ABTB3: variants seen among roughly 807,000 people sequenced by gnomAD.
ABTB3 encodes ankyrin repeat- and BTB/POZ domain-containing protein 3.
the ABTB3 span, among the ~76,000 whole-genome samples, chr12:107,472,749 T>C: frequency 6.6e-6 from 1 of 152,170 alleles, no homozygotes; most frequent in Non-Finnish European, 1.5e-5. Flanking sequence ...GGAGCCCTCA[T>C]GGTGGAAAGA....
chr12:107,618,137 C>G, the ABTB3 span: 1 of 1,610,638 alleles, frequency 6.2e-7, no homozygotes, highest in Non-Finnish European at 8.5e-7. Context: ...GTGTCATCCT[C>G]TCTGGGTTTA....
the ABTB3 span, among the ~76,000 whole-genome samples, chr12:107,342,014 C>G: frequency 6.6e-6 from 1 of 152,186 alleles, no homozygotes; most frequent in African/African-American, 2.4e-5. Flanking sequence ...ATGAGCCAAT[C>G]AAACCTCTTT....
At chr12:107,406,982 G>T in the ABTB3 span, among the ~76,000 whole-genome samples, 2 of 152,044 alleles carry the variant, frequency 1.3e-5, no homozygotes, top group Non-Finnish European at 2.9e-5. Flanking sequence ...CCTGCAATTT[G>T]GCTGCTTTTG....
chr12:107,350,622 A>C, the ABTB3 span, among the ~76,000 whole-genome samples: 1 of 152,136 alleles, frequency 6.6e-6, no homozygotes, highest in African/African-American at 2.4e-5. Flanking sequence ...CAGGGATCTA[A>C]TAGGAGGCAC....
the ABTB3 span, among the ~76,000 whole-genome samples, chr12:107,586,923 T>C: frequency 1.3e-5 from 2 of 152,162 alleles, no homozygotes; most frequent in Non-Finnish European, 2.9e-5. Flanking sequence ...TGCCATTTGA[T>C]TGAAATCCTG....
At chr12:107,342,021 CT>C in the ABTB3 span, among the ~76,000 whole-genome samples, 1 of 152,178 alleles carries the variant, frequency 6.6e-6, no homozygotes, top group Admixed American at 6.5e-5. Context: ...AATCAAACCT[CT>C]TTTCTTTATA....
chr12:107,508,434 A>ATTTTTTTTTTTTTTTTTTTTTTT, the ABTB3 span, among the ~76,000 whole-genome samples: 7 of 58,716 alleles, frequency 1.2e-4, no homozygotes, highest in Non-Finnish European at 2.3e-4. Context: ...CTCAAAGATC[A>ATTTTTTTTTTTTTTTTTTTTTTT]TTTCTTTTTT....
At chr12:107,339,595 T>C in the ABTB3 span, among the ~76,000 whole-genome samples, 1 of 152,182 alleles carries the variant, frequency 6.6e-6, no homozygotes, top group Non-Finnish European at 1.5e-5. Context: ...GAAGCTTCAG[T>C]GTGTTTTCAT....
At chr12:107,425,232 CTT>C in the ABTB3 span, among the ~76,000 whole-genome samples, 1 of 152,194 alleles carries the variant, frequency 6.6e-6, no homozygotes, top group African/African-American at 2.4e-5. Flanking sequence ...GCCATTTTCC[CTT>C]TGTCTCCTGG....
At chr12:107,469,943 T>TCTTC in the ABTB3 span, among the ~76,000 whole-genome samples, 1 of 32,822 alleles carries the variant, frequency 3.0e-5, no homozygotes, top group Admixed American at 3.4e-4. Flanking sequence ...TCTTTCTTTC[T>TCTTC]CTTTCTTTCT....
At chr12:107,431,028 A>T in the ABTB3 span, among the ~76,000 whole-genome samples, 1 of 152,252 alleles carries the variant, frequency 6.6e-6, no homozygotes, top group Non-Finnish European at 1.5e-5. Flanking sequence ...AGAAATACTC[A>T]TCAGAAACAT....
the ABTB3 span, chr12:107,642,288 TCTCCTGAACTCCCGGCC>T: frequency 8.4e-5 from 72 of 861,212 alleles, no homozygotes; most frequent in African/African-American, 8.4e-4. Context: ...GAGCTGTCAG[TCTCCTGAACTCCCGGCC>T]CCTCCTCACA....
chr12:107,469,920 TTCTC>T, the ABTB3 span, among the ~76,000 whole-genome samples: 71 of 102,040 alleles, frequency 7.0e-4, 3 homozygotes, highest in Middle Eastern at 5.3e-3. Flanking sequence ...CTTTCTTTCT[TTCTC>T]TCTCTCTCTC....
At chr12:107,550,096 G>T in the ABTB3 span, among the ~76,000 whole-genome samples, 31 of 152,166 alleles carry the variant, frequency 2.0e-4, no homozygotes, top group African/African-American at 6.8e-4. Context: ...ATAGTCCCAT[G>T]AATCTAAGTG....
the ABTB3 span, among the ~76,000 whole-genome samples, chr12:107,405,088 G>A: frequency 6.6e-6 from 1 of 152,188 alleles, no homozygotes; most frequent in East Asian, 1.9e-4. Context: ...GTAGATCTTA[G>A]GGTGAAGTAG....
the ABTB3 span, among the ~76,000 whole-genome samples, chr12:107,519,647 G>T: frequency 6.6e-6 from 1 of 152,302 alleles, no homozygotes; most frequent in Middle Eastern, 3.4e-3. Context: ...GACCAAGGCA[G>T]AGGCGCAAGA....
the ABTB3 span, among the ~76,000 whole-genome samples, chr12:107,433,276 G>A: frequency 1.2e-4 from 14 of 114,206 alleles, no homozygotes; most frequent in Admixed American, 3.9e-4. Context: ...CGGCCTGGGC[G>A]ACAGAGCGAG....
chr12:107,557,226 C>A, the ABTB3 span, among the ~76,000 whole-genome samples: 1 of 152,198 alleles, frequency 6.6e-6, no homozygotes, highest in Non-Finnish European at 1.5e-5. Context: ...GCCTCGCCTC[C>A]ACACCTAAGC....
the ABTB3 span, among the ~76,000 whole-genome samples, chr12:107,428,127 A>T: frequency 6.6e-6 from 1 of 152,220 alleles, no homozygotes; most frequent in Non-Finnish European, 1.5e-5. Flanking sequence ...TCTGGCACAC[A>T]GCAGTCAGTA....
Sources: allele counts gnomAD v4.1 joint callset (sites outside exome capture counted in the v4.1 genomes callset), GRCh38; gene constraint gnomAD v4.1.1; transcripts MANE v1.5; gene names NCBI Gene and HGNC (gene_info 2026-07-23, HGNC 2026-07-21).